The following CRB1 variants were observed in gnomAD, a reference collection of about 807,000 sequenced individuals.
The protein encoded by CRB1 is crumbs cell polarity complex component 1.
Under a neutral mutation model 120.0 loss-of-function variants are expected in CRB1, and 83 were observed. The observed-to-expected ratio is 0.69, with a 90% CI of 0.58 to 0.83. The LOEUF (loss-of-function observed/expected upper bound fraction) is 0.83. Ranked by LOEUF, CRB1 falls within the 40% of genes least tolerant of loss-of-function variation. The pLI is 0.00. For missense variants in CRB1, 1,699 were observed against 1,687.6 expected, an observed-to-expected ratio of 1.01 and a Z score of -0.12; for synonymous variants, 625 against 612.5, an observed-to-expected ratio of 1.02 and a Z score of -0.30.
chr1:197,428,327 T>A (rs142716877), intron 7 of CRB1, among the ~76,000 whole-genome samples: 1 of 152,364 alleles, frequency 6.6e-6, no homozygotes, highest in East Asian at 1.9e-4. Context: ...CACCAGAGGT[T>A]TAACTGAATT....
chr1:197,221,759 G>T, the CRB1 span, among the ~76,000 whole-genome samples: 2 of 152,074 alleles, frequency 1.3e-5, no homozygotes, highest in Non-Finnish European at 2.9e-5. Flanking sequence ...AATTGGGGTT[G>T]GGTGGTGGTG....
intron 5 of CRB1, among the ~76,000 whole-genome samples, chr1:197,402,870 A>G (rs1571480379): frequency 1.3e-5 from 2 of 152,132 alleles, no homozygotes; most frequent in South Asian, 2.1e-4. Context: ...TCTGCCCCCA[A>G]TGTAGATTTT....
chr1:197,341,416 G>A (rs994056805), intron 2 of CRB1, among the ~76,000 whole-genome samples: 20 of 152,006 alleles, frequency 1.3e-4, no homozygotes, highest in Non-Finnish European at 2.2e-4. Context: ...GATGGCATGC[G>A]CCTGTAGTCT....
chr1:197,473,141 G>T (rs965328191), intron 11 of CRB1, among the ~76,000 whole-genome samples: 1 of 152,138 alleles, frequency 6.6e-6, no homozygotes, highest in Non-Finnish European at 1.5e-5. Context: ...TCATTCTTAT[G>T]ACATTTCTGA....
intron 11 of CRB1, among the ~76,000 whole-genome samples, chr1:197,464,966 T>C (rs1666690588): frequency 6.6e-6 from 1 of 152,198 alleles, no homozygotes; most frequent in South Asian, 2.1e-4. Flanking sequence ...GAGCCTTTTG[T>C]AGCAAAGGAA....
At chr1:197,255,830 G>T in the CRB1 span, among the ~76,000 whole-genome samples, 9 of 151,398 alleles carry the variant, frequency 5.9e-5, no homozygotes, top group African/African-American at 2.2e-4. Context: ...TAAAAACATA[G>T]ATTATGAAAC....
At chr1:197,340,645 G>A (rs1204605514) in intron 2 of CRB1, among the ~76,000 whole-genome samples, 1 of 152,124 alleles carries the variant, frequency 6.6e-6, no homozygotes, top group African/African-American at 2.4e-5. Flanking sequence ...GAGATCTGAT[G>A]ACTAATTAGG....
chr1:197,433,337 T>C (rs111547681), intron 8 of CRB1, among the ~76,000 whole-genome samples: 2 of 152,172 alleles, frequency 1.3e-5, no homozygotes, highest in African/African-American at 4.8e-5. Flanking sequence ...TAATGAAAGA[T>C]GATGGTGGTT....
intron 5 of CRB1, among the ~76,000 whole-genome samples, chr1:197,367,993 G>A (rs1661168203): frequency 1.3e-5 from 2 of 152,172 alleles, no homozygotes; most frequent in Non-Finnish European, 2.9e-5. Flanking sequence ...TAAAAATGAA[G>A]CGTTCACTTT....
intron 1 of CRB1, among the ~76,000 whole-genome samples, chr1:197,300,991 A>G (rs1405157938): frequency 6.6e-6 from 1 of 151,506 alleles, no homozygotes; most frequent in African/African-American, 2.4e-5. Flanking sequence ...TTTACTGAAT[A>G]TTGTAAGCCC....
At chr1:197,469,841 T>C (rs1666905051) in intron 11 of CRB1, among the ~76,000 whole-genome samples, 2 of 152,146 alleles carry the variant, frequency 1.3e-5, no homozygotes, top group African/African-American at 2.4e-5. Context: ...ACGTTTCCAT[T>C]CTAGATACGA....
intron 5 of CRB1, among the ~76,000 whole-genome samples, chr1:197,400,159 TCAAA>T (rs1662986282): frequency 6.6e-6 from 1 of 152,150 alleles, no homozygotes; most frequent in Non-Finnish European, 1.5e-5. Context: ...TGGCAAGTGC[TCAAA>T]CAGCTATTTA....
intron 2 of CRB1, among the ~76,000 whole-genome samples, chr1:197,336,969 C>T (rs2786111): frequency 0.69 from 105,241 of 152,048 alleles, 36,694 homozygotes; most frequent in East Asian, 0.93. Context: ...TGAACAATAA[C>T]ATGTTGAATA....
At chr1:197,465,637 T>C (rs1433541834) in intron 11 of CRB1, among the ~76,000 whole-genome samples, 1 of 152,216 alleles carries the variant, frequency 6.6e-6, no homozygotes, top group Non-Finnish European at 1.5e-5. Context: ...AGGATCCATC[T>C]CTGTTTAGAC....
chr1:197,391,099 C>T (rs756938680), intron 5 of CRB1, among the ~76,000 whole-genome samples: 1 of 152,080 alleles, frequency 6.6e-6, no homozygotes, highest in Non-Finnish European at 1.5e-5. Flanking sequence ...CAGGAGAATT[C>T]GCTTGGAGAC....
At chr1:197,207,728 T>C in the CRB1 span, among the ~76,000 whole-genome samples, 1 of 152,128 alleles carries the variant, frequency 6.6e-6, no homozygotes, top group African/African-American at 2.4e-5. Flanking sequence ...ATTTCCCAGG[T>C]GTTCTTTGAG....
At chr1:197,257,833 C>G in the CRB1 span, among the ~76,000 whole-genome samples, 1 of 152,174 alleles carries the variant, frequency 6.6e-6, no homozygotes, top group Admixed American at 6.5e-5. Context: ...TCTGAAAGCT[C>G]TCACTCTTGA....
chr1:197,460,974 A>G (rs1314372673), intron 11 of CRB1, among the ~76,000 whole-genome samples: 2 of 152,172 alleles, frequency 1.3e-5, no homozygotes, highest in African/African-American at 4.8e-5. Context: ...ATTTTGCTCT[A>G]CGGCCCTAAT....
the CRB1 span, among the ~76,000 whole-genome samples, chr1:197,227,387 CTTTTTCTTTTTTTT>C: frequency 6.8e-6 from 1 of 146,718 alleles, no homozygotes; most frequent in Non-Finnish European, 1.5e-5. Flanking sequence ...TTCTTTTTTT[CTTTTTCTTTTTTTT>C]TTTTTTTTTG....
Sources: allele counts gnomAD v4.1 joint callset (sites outside exome capture counted in the v4.1 genomes callset), GRCh38; gene constraint gnomAD v4.1.1; transcripts MANE v1.5; gene names NCBI Gene and HGNC (gene_info 2026-07-23, HGNC 2026-07-21).